AVEN: variants seen among roughly 807,000 people sequenced by gnomAD.
The protein encoded by AVEN is apoptosis and caspase activation inhibitor.
A neutral mutation model predicts 38.1 loss-of-function variants in AVEN; 41 were observed. The observed-to-expected ratio is 1.08, with a 90% confidence interval of 0.84 to 1.40. The LOEUF (loss-of-function observed/expected upper bound fraction) is 1.40. AVEN is among the 40% of genes most tolerant of loss of function. The pLI is 0.00. For missense variants in AVEN, 605 were observed against 438.8 expected (o/e 1.38, Z -3.38); for synonymous variants, 206 against 171.8 (o/e 1.20, Z -1.56).
At chr15:33,979,804 C>A (rs949103845) in intron 2 of AVEN, among the ~76,000 whole-genome samples, 15 of 152,142 alleles carry the variant, frequency 9.9e-5, no homozygotes, top group Non-Finnish European at 1.5e-4. Context: ...CTAAGGAGCT[C>A]CAGTGGTCAA....
chr15:33,978,811 A>C (rs1260778624), intron 2 of AVEN, among the ~76,000 whole-genome samples: 1 of 152,212 alleles, frequency 6.6e-6, no homozygotes. Context: ...AGGATATATT[A>C]ATAAACCACA....
intron 2 of AVEN, among the ~76,000 whole-genome samples, chr15:33,897,750 T>C (rs965418632): frequency 6.6e-6 from 1 of 151,978 alleles, no homozygotes; most frequent in Non-Finnish European, 1.5e-5. Context: ...GCCATGGTGG[T>C]GTGCACCTAC....
In AVEN at chr15:33,870,924, G is replaced by A. The variant is rs755374394; in HGVS notation, c.612+11C>T. The A allele has an allele frequency of 5.6e-6, 9 of 1,607,342 alleles. No individual in the cohort carries two copies. The East Asian group carries it at 1.6e-4, about 28-fold the overall frequency. On this transcript the variant is annotated intron_variant, in intron 4 of 5. Coordinates refer to ENST00000306730, the MANE Select transcript of AVEN (RefSeq NM_020371.3). Reference sequence around the variant, plus strand: ...AATCCACCCGCTTCAAGAGGGCTTCGGGATTTTTACCTGGACCAGTTCGGC... The same window carrying A: ...AATCCACCCGCTTCAAGAGGGCTTCAGGATTTTTACCTGGACCAGTTCGGC...
chr15:33,935,781 G>A (rs1269120840), intron 2 of AVEN, among the ~76,000 whole-genome samples: 8 of 152,018 alleles, frequency 5.3e-5, no homozygotes, highest in Non-Finnish European at 7.4e-5. Context: ...CTTAAATAGG[G>A]TGATTATGAC....
chr15:33,852,368 G>A, the AVEN span: 10 of 152,246 alleles, frequency 6.6e-5, no homozygotes, highest in Admixed American at 5.2e-4. Flanking sequence ...ATTTGCAGTG[G>A]AGCTGGTACA....
At chr15:33,973,790 T>C (rs1250325188) in intron 2 of AVEN, among the ~76,000 whole-genome samples, 1 of 152,252 alleles carries the variant, frequency 6.6e-6, no homozygotes, top group African/African-American at 2.4e-5. Flanking sequence ...ACATCTAATT[T>C]ATCTGTCTAT....
intron 2 of AVEN, among the ~76,000 whole-genome samples, chr15:33,888,646 AAAT>A (rs1216715807): frequency 3.3e-5 from 5 of 152,182 alleles, no homozygotes; most frequent in Non-Finnish European, 7.3e-5. Flanking sequence ...AACTCCAATC[AAAT>A]TATTGTTAAT....
chr15:33,977,687 TC>T (rs1895944579), intron 2 of AVEN, among the ~76,000 whole-genome samples: 1 of 152,162 alleles, frequency 6.6e-6, no homozygotes, highest in African/African-American at 2.4e-5. Flanking sequence ...AAGTGAAGAA[TC>T]AAACGTTCTC....
At chr15:33,977,051 G>T (rs1440001670) in intron 2 of AVEN, among the ~76,000 whole-genome samples, 1 of 152,140 alleles carries the variant, frequency 6.6e-6, no homozygotes, top group Non-Finnish European at 1.5e-5. Flanking sequence ...TTATGGCAAG[G>T]TTAATATCTT....
downstream of AVEN, chr15:33,857,833 G>T: frequency 6.2e-7 from 1 of 1,614,164 alleles, no homozygotes; most frequent in South Asian, 1.1e-5. Flanking sequence ...ATACTGTGGT[G>T]GCTTTCAACT....
intron 2 of AVEN, among the ~76,000 whole-genome samples, chr15:33,953,464 G>A: frequency 6.6e-6 from 1 of 152,112 alleles, no homozygotes. Context: ...GAACAGAACA[G>A]AGGCCTCAGA....
intron 1 of AVEN, among the ~76,000 whole-genome samples, chr15:34,024,974 G>T (rs549548269): frequency 6.6e-6 from 1 of 152,084 alleles, no homozygotes; most frequent in South Asian, 2.1e-4. Flanking sequence ...CCTGAGGTCA[G>T]GATTTTGAGA....
chr15:33,986,208 G>C (rs1473268810), intron 2 of AVEN, among the ~76,000 whole-genome samples: 1 of 151,806 alleles, frequency 6.6e-6, no homozygotes, highest in Admixed American at 6.6e-5. Context: ...CCGGGTTCAC[G>C]CCATTCTCCT....
intron 1 of AVEN, among the ~76,000 whole-genome samples, chr15:34,004,900 AT>A (rs1378506754): frequency 1.3e-5 from 2 of 152,154 alleles, no homozygotes; most frequent in Non-Finnish European, 2.9e-5. Flanking sequence ...ACATTACAAA[AT>A]CCTTATCAAG....
At chr15:33,929,625 A>T (rs898501987) in intron 2 of AVEN, among the ~76,000 whole-genome samples, 1 of 152,242 alleles carries the variant, frequency 6.6e-6, no homozygotes, top group Non-Finnish European at 1.5e-5. Flanking sequence ...CCATTAAAAA[A>T]TTAGAATATT....
chr15:33,938,714 C>A (rs1171333412), intron 2 of AVEN, among the ~76,000 whole-genome samples: 2 of 152,154 alleles, frequency 1.3e-5, no homozygotes, highest in East Asian at 3.9e-4. Context: ...ACAGAGAATG[C>A]ATTAGTTATG....
chr15:33,980,717 C>T (rs1230123787), intron 2 of AVEN, among the ~76,000 whole-genome samples: 6 of 152,134 alleles, frequency 3.9e-5, no homozygotes, highest in African/African-American at 1.4e-4. Context: ...ATTATCTGTA[C>T]ACGGAGAACC....
chr15:34,056,643 G>C (rs1900162515), intron 5 of AVEN, among the ~76,000 whole-genome samples: 1 of 152,184 alleles, frequency 6.6e-6, no homozygotes, highest in Admixed American at 6.5e-5. Context: ...GAGGAAGACT[G>C]TGTTAGCCTC....
chr15:33,865,761 A>C (rs892110719), downstream of AVEN: 1 of 153,474 alleles, frequency 6.5e-6, no homozygotes, highest in Admixed American at 6.5e-5. Context: ...CGACACTGAA[A>C]TATCGATTAA....
Sources: allele counts gnomAD v4.1 joint callset (sites outside exome capture counted in the v4.1 genomes callset), GRCh38; gene constraint gnomAD v4.1.1; transcripts MANE v1.5; gene names NCBI Gene and HGNC (gene_info 2026-07-23, HGNC 2026-07-21).